The following COLEC10 variants were observed in gnomAD, a reference collection of about 807,000 sequenced individuals.
COLEC10 encodes the protein collectin subfamily member 10, also known as collectin-10.
Under a neutral mutation model 28.4 loss-of-function variants are expected in COLEC10, and 22 were observed. That is an observed-to-expected ratio of 0.78 (90% CI 0.55 to 1.11). COLEC10 has a LOEUF of 1.11. Among genes scored for constraint, COLEC10 ranks in the 50% least tolerant of loss-of-function variants. The probability of loss-of-function intolerance (pLI) is 0.00; values close to 1 mark genes in which losing one functional copy is unlikely to be tolerated. For synonymous variants in COLEC10, 125 were observed against 116.1 expected, an observed-to-expected ratio of 1.08 and a Z score of -0.49; for missense variants, 361 against 344.1, an observed-to-expected ratio of 1.05 and a Z score of -0.39.
chr8:119,080,639 G>A (rs1044383947), intron 1 of COLEC10, among the ~76,000 whole-genome samples: 1 of 151,994 alleles, frequency 6.6e-6, no homozygotes, highest in Non-Finnish European at 1.5e-5. Context: ...TATGTTTTAT[G>A]TTGCAAGAGG....
chr8:119,067,307 G>A lies in COLEC10; in HGVS notation c.26G>A (p.Arg9Gln), dbSNP rs749003411. MNGFASLL[R>Q]RNQFILLVLF... is the part of the protein sequence containing the mutation. ...ATGAATGGCTTTGCATCCTTGCTTC[G>A]AAGAAACCAATTTATCCTCCTGGTA... Residue 9 changes from arginine to glutamine, a missense_variant, in exon 1 of 6, where the codon CGA becomes CAA. Around this residue, in one of 3 missense-constraint regions of COLEC10, gnomAD observed 335 missense variants for 308.5 expected, o/e 1.09. Transcript: ENST00000332843. 2.4e-5 allele frequency: 38 copies of A among 1,613,744 alleles called. 1 individual carries two copies. Among genetic ancestry groups the A allele is most frequent in the Admixed American group, 1.3e-4 (8 of 59,968 alleles).
intron 3 of COLEC10, among the ~76,000 whole-genome samples, chr8:119,095,137 A>T (rs1463888508): frequency 1.3e-5 from 2 of 152,210 alleles, no homozygotes; most frequent in Non-Finnish European, 2.9e-5. Context: ...AGTTTTTCAG[A>T]TGGCTTGACA....
intron 1 of COLEC10, among the ~76,000 whole-genome samples, chr8:119,080,319 A>T (rs1378914777): frequency 3.3e-5 from 5 of 152,220 alleles, no homozygotes; most frequent in Admixed American, 2.6e-4. Flanking sequence ...ACGAACAAAC[A>T]AGTAAGAAAA....
chr8:118,962,933 T>C, the COLEC10 span, among the ~76,000 whole-genome samples: 2 of 152,198 alleles, frequency 1.3e-5, no homozygotes, highest in Non-Finnish European at 2.9e-5. Context: ...GTAAGAACCT[T>C]CTAAGTGCCA....
intron 2 of COLEC10, among the ~76,000 whole-genome samples, chr8:119,026,654 AT>A (rs1316718540): frequency 1.3e-5 from 2 of 152,182 alleles, no homozygotes; most frequent in African/African-American, 2.4e-5. Flanking sequence ...GAAAATGGGA[AT>A]AGTTTGTAGG....
chr8:119,081,743 C>T (rs534009171), intron 1 of COLEC10, among the ~76,000 whole-genome samples: 9 of 152,168 alleles, frequency 5.9e-5, no homozygotes, highest in Non-Finnish European at 7.4e-5. Context: ...GAAAGTTCCA[C>T]TGATGCCAGC....
At chr8:119,028,814 G>A (rs1006865432) in intron 2 of COLEC10, among the ~76,000 whole-genome samples, 26 of 152,184 alleles carry the variant, frequency 1.7e-4, no homozygotes, top group African/African-American at 6.0e-4. Flanking sequence ...ATTTTCCCTT[G>A]CTGACAAGAA....
At chr8:119,026,599 C>A (rs947929841) in intron 2 of COLEC10, among the ~76,000 whole-genome samples, 3 of 152,030 alleles carry the variant, frequency 2.0e-5, no homozygotes, top group African/African-American at 7.2e-5. Flanking sequence ...GGTAGCTCTG[C>A]CATTTGGTGG....
At chr8:119,054,207 G>T (rs1403070977) in intron 2 of COLEC10, among the ~76,000 whole-genome samples, 1 of 152,032 alleles carries the variant, frequency 6.6e-6, no homozygotes, top group African/African-American at 2.4e-5. Context: ...ATTTCATCAT[G>T]CTACTCAGAT....
intron 2 of COLEC10, among the ~76,000 whole-genome samples, chr8:119,042,714 G>T (rs1208083645): frequency 6.6e-6 from 1 of 152,174 alleles, no homozygotes; most frequent in Non-Finnish European, 1.5e-5. Context: ...AAACTTGGCT[G>T]AGTGATTCAT....
Position 119,073,256 on chromosome 8 carries a change from G to T in COLEC10, c.148+5827G>T, listed in dbSNP as rs929791866. 6.6e-5 allele frequency among the ~76,000 whole-genome samples: 10 copies of T among 152,240 alleles called. No homozygotes were observed. The East Asian group carries it at 1.9e-3, about 29-fold the overall frequency. On this transcript the variant is annotated intron_variant, in intron 1 of 5. Coordinates refer to ENST00000332843, the MANE Select transcript of COLEC10 (RefSeq NM_006438.5). ...AGCAGGCATTGTTCCATTCTTCCAT[G>T]TTACATCATTTTCCTCACCTTATAT...
chr8:119,105,117 C>T (rs1165978244), intron 5 of COLEC10, among the ~76,000 whole-genome samples: 3 of 152,128 alleles, frequency 2.0e-5, no homozygotes, highest in Non-Finnish European at 4.4e-5. Context: ...CTGTATTATT[C>T]CTGCATCATT....
intron 3 of COLEC10, among the ~76,000 whole-genome samples, chr8:119,101,760 T>G (rs770312010): frequency 4.6e-5 from 7 of 152,180 alleles, no homozygotes; most frequent in Non-Finnish European, 1.0e-4. Flanking sequence ...AGTAAATATT[T>G]GTCTAATTAA....
chr8:119,051,461 G>A (rs917329087), intron 2 of COLEC10, among the ~76,000 whole-genome samples: 6 of 152,272 alleles, frequency 3.9e-5, no homozygotes, highest in African/African-American at 1.4e-4. Context: ...TATTGAAAAT[G>A]TTACCAATGT....
chr8:118,967,891 G>A, the COLEC10 span, among the ~76,000 whole-genome samples: 1 of 152,020 alleles, frequency 6.6e-6, no homozygotes, highest in Non-Finnish European at 1.5e-5. Flanking sequence ...CAACATGACA[G>A]AAATACTGGG....
At chr8:119,104,434 C>T (rs1381722802) in intron 5 of COLEC10, among the ~76,000 whole-genome samples, 2 of 152,110 alleles carry the variant, frequency 1.3e-5, no homozygotes, top group African/African-American at 2.4e-5. Flanking sequence ...ACTCCTCTAT[C>T]CACAATACAA....
intron 2 of COLEC10, among the ~76,000 whole-genome samples, chr8:119,059,143 G>C (rs1022552433): frequency 2.6e-5 from 4 of 151,982 alleles, no homozygotes; most frequent in Non-Finnish European, 5.9e-5. Context: ...ATTTGTAAAT[G>C]TTTTTTCCAG....
intron 3 of COLEC10, among the ~76,000 whole-genome samples, chr8:119,097,356 A>G (rs1175121130): frequency 6.6e-6 from 1 of 152,078 alleles, no homozygotes; most frequent in East Asian, 1.9e-4. Flanking sequence ...ATTCTTAAAA[A>G]TGATATTAGA....
chr8:119,030,356 G>A (rs1412273041), intron 2 of COLEC10, among the ~76,000 whole-genome samples: 1 of 151,966 alleles, frequency 6.6e-6, no homozygotes, highest in Non-Finnish European at 1.5e-5. Flanking sequence ...ATATACTTTA[G>A]TCCACAGTAT....
Sources: gnomAD v4.1 joint callset for allele counts (sites outside exome capture counted in the v4.1 genomes callset) on GRCh38, gnomAD v4.1.1 for gene constraint, gnomAD v4.1.1 regional missense constraint, MANE v1.5 for transcripts, NCBI Gene and HGNC (gene_info 2026-07-23, HGNC 2026-07-21) for gene names.